ARHGAP39: variants seen among roughly 807,000 people sequenced by gnomAD.
ARHGAP39 encodes the protein Rho GTPase activating protein 39, also known as rho GTPase-activating protein 39.
Under a neutral mutation model 106.9 loss-of-function variants are expected in ARHGAP39, and 44 were observed. The ratio of observed to expected loss-of-function variants is 0.41; its 90% confidence interval spans 0.32 to 0.53. The LOEUF (loss-of-function observed/expected upper bound fraction) is 0.53, where lower values mean the gene tolerates loss of function less well. Among genes scored for constraint, ARHGAP39 ranks in the 20% least tolerant of loss-of-function variants. ARHGAP39 has a pLI of 0.21. For synonymous variants in ARHGAP39, 768 were observed against 693.2 expected, an observed-to-expected ratio of 1.11 and a Z score of -1.69; for missense variants, 1,496 against 1,577.3, an observed-to-expected ratio of 0.95 and a Z score of 0.87.
chr8:144,563,455 T>A (rs972806142), intron 3 of ARHGAP39, among the ~76,000 whole-genome samples: 11 of 152,094 alleles, frequency 7.2e-5, no homozygotes, highest in African/African-American at 2.7e-4. Context: ...AGTCTCTGCA[T>A]GAGAAAAACC....
At chr8:144,553,925 C>T (rs1419590141) in intron 4 of ARHGAP39, among the ~76,000 whole-genome samples, 6 of 152,250 alleles carry the variant, frequency 3.9e-5, no homozygotes, top group African/African-American at 1.2e-4. Flanking sequence ...ACACAGAGCT[C>T]GATGTGGGCT....
At position 144,548,042 on chromosome 8, in the gene ARHGAP39, C is replaced by A; in HGVS notation, c.1044G>T (p.Ser348=). 3 of 1,602,796 alleles carry A rather than the reference C, an allele frequency of 1.9e-6. No individual in the cohort carries two copies. Among genetic ancestry groups the A allele is most frequent in the Non-Finnish European group, 2.6e-6 (3 of 1,176,018 alleles). ...GGYQAGSPQR[S]PGRKPRPFLQ... The stretch of plus-strand genomic sequence containing the variant: ...GGAACGGCCGGGGCTTACGGCCCGG[C>A]GACCGCTGGGGAGAGCCGGCCTGGT... The change falls in exon 5 of 12, where the codon TCG becomes TCT. Residue 348 remains serine, a synonymous_variant. Transcript: ENST00000377307. The surrounding 1 kb of genome is among the most constrained non-coding windows in gnomAD (Gnocchi z 7.4).
intron 4 of ARHGAP39, among the ~76,000 whole-genome samples, chr8:144,553,789 G>A (rs1817808975): frequency 6.6e-6 from 1 of 152,250 alleles, no homozygotes; most frequent in South Asian, 2.1e-4. Context: ...CCTCAGGGAT[G>A]CACGGCACTA....
At chr8:144,605,219 C>A (rs573822074) in intron 2 of ARHGAP39, among the ~76,000 whole-genome samples, 22 of 152,172 alleles carry the variant, frequency 1.4e-4, no homozygotes, top group Non-Finnish European at 3.1e-4. Context: ...TATGATGGAG[C>A]CACTGCACTG....
chr8:144,675,097 C>T (rs2129740541), intron 1 of ARHGAP39, among the ~76,000 whole-genome samples: 1 of 152,292 alleles, frequency 6.6e-6, no homozygotes, highest in African/African-American at 2.4e-5. Context: ...GCAGCTCCTG[C>T]CTGTTCCCAG....
At chr8:144,616,076 G>C (rs1016126914) in intron 1 of ARHGAP39, among the ~76,000 whole-genome samples, 4 of 152,242 alleles carry the variant, frequency 2.6e-5, no homozygotes, top group Admixed American at 1.3e-4. Flanking sequence ...GAGCCACCTG[G>C]ATGCGCAGAA....
rs200403169 is a variant in ARHGAP39 at position 144,532,287 on chromosome 8, C to T, written c.2980+18G>A. ...CTGAGCCAGGCCCGCTCTGCTGCAG[C>T]GTGTGTGGGGGACTCACCAGGGACG... On this transcript the variant is annotated intron_variant, in intron 10 of 11. Coordinates refer to ENST00000377307, the MANE Select transcript of ARHGAP39 (RefSeq NM_025251.3). The T allele has an allele frequency of 5.0e-3, 8,017 of 1,610,756 alleles. 36 individuals are homozygous for T. The highest frequency in any genetic ancestry group is 5.8e-3 in the Non-Finnish European group (6,857 of 1,178,622).
At chr8:144,676,813 C>T (rs1822254953) in intron 1 of ARHGAP39, among the ~76,000 whole-genome samples, 1 of 152,266 alleles carries the variant, frequency 6.6e-6, no homozygotes, top group Admixed American at 6.5e-5. Flanking sequence ...CAGAGAGAGG[C>T]CCCCACAGCG....
Position 144,645,046 on chromosome 8 carries a change from A to G in ARHGAP39, c.-81-39351T>C, listed in dbSNP as rs900061529. On this transcript the variant is annotated intron_variant, in intron 1 of 11. Transcript: ENST00000377307. The surrounding 1 kb of genome is among the most constrained non-coding windows in gnomAD (Gnocchi z 4.4). ...ACGGCAGAGAGCACATGTCAACCGC[A>G]GTCCCCGTGTTATCCAGGAGGAAGC... Among the ~76,000 whole-genome samples the G allele has an allele frequency of 1.3e-5, 2 of 152,232 alleles. No homozygotes were observed. The highest frequency in any genetic ancestry group is 1.9e-4 in the East Asian group (1 of 5,196).
intron 1 of ARHGAP39, among the ~76,000 whole-genome samples, chr8:144,639,259 G>A (rs1482234342): frequency 6.6e-6 from 1 of 150,820 alleles, no homozygotes; most frequent in East Asian, 2.0e-4. Context: ...CCGGGAGGTG[G>A]AGGTTGCAGT....
chr8:144,560,680 C>T (rs373954345), intron 3 of ARHGAP39, among the ~76,000 whole-genome samples: 2 of 152,278 alleles, frequency 1.3e-5, no homozygotes, highest in East Asian at 1.9e-4. Context: ...GTTATGCTCT[C>T]GAGGACCAGC....
chr8:144,610,979 G>T (rs953968308), intron 1 of ARHGAP39, among the ~76,000 whole-genome samples: 1 of 151,916 alleles, frequency 6.6e-6, no homozygotes, highest in Non-Finnish European at 1.5e-5. Context: ...ACCACACCTG[G>T]CTAATTTTTT....
chr8:144,582,097 C>G (rs377392027), intron 2 of ARHGAP39, among the ~76,000 whole-genome samples: 1 of 152,170 alleles, frequency 6.6e-6, no homozygotes, highest in Non-Finnish European at 1.5e-5. Context: ...TGAGGGGTCT[C>G]GTTTCCAGGG....
chr8:144,594,759 T>C (rs1033860082), intron 2 of ARHGAP39, among the ~76,000 whole-genome samples: 2 of 144,994 alleles, frequency 1.4e-5, no homozygotes, highest in South Asian at 4.2e-4. Context: ...GTGGCAAACA[T>C]GTGTAGTCCC....
At chr8:144,691,287 T>C in the ARHGAP39 span, among the ~76,000 whole-genome samples, 1 of 152,164 alleles carries the variant, frequency 6.6e-6, no homozygotes, top group African/African-American at 2.4e-5. Flanking sequence ...TTTGAGGGCC[T>C]GGTGGATCAT....
intron 3 of ARHGAP39, among the ~76,000 whole-genome samples, chr8:144,572,833 CAAA>C (rs1818632676): frequency 6.6e-6 from 1 of 152,190 alleles, no homozygotes; most frequent in African/African-American, 2.4e-5. Flanking sequence ...AGACATTTCT[CAAA>C]AGAAGACATT....
Position 144,632,980 on chromosome 8 carries a change from T to C in ARHGAP39, c.-81-27285A>G, listed in dbSNP as rs1038971697. Among the ~76,000 whole-genome samples, 93 of 152,304 alleles carry C rather than the reference T, an allele frequency of 6.1e-4. 1 individual carries two copies. The highest frequency in any genetic ancestry group is 2.2e-3 in the African/African-American group (92 of 41,554). ...CATAGTGAGACCCCATCTCTATAAATTTCTTTTTTTAATTAGCCAAGCAAG... is the reference window on the plus strand; with the variant it reads ...CATAGTGAGACCCCATCTCTATAAACTTCTTTTTTTAATTAGCCAAGCAAG... On this transcript the variant is annotated intron_variant, in intron 1 of 11. Transcript: ENST00000377307.
rs138469657 is a variant in ARHGAP39, at chr8:144,636,317, G to A, written c.-81-30622C>T. Reference sequence around the variant, plus strand: ...CAATACTCAGCTAATGTTAGTGGAGGATTAGCAATTAAGAGTGGGAAAGGG... The same window carrying A: ...CAATACTCAGCTAATGTTAGTGGAGAATTAGCAATTAAGAGTGGGAAAGGG... On this transcript the variant is annotated intron_variant, in intron 1 of 11. Transcript: ENST00000377307. Among the ~76,000 whole-genome samples, 20 of 152,360 alleles carry A rather than the reference G, an allele frequency of 1.3e-4. No individual in the cohort carries two copies. In the East Asian group the frequency reaches 3.9e-3, roughly 29 times the overall value.
rs758810658 is a variant in ARHGAP39 at position 144,547,265 on chromosome 8, C to G, written c.1821G>C (p.Glu607Asp). The change falls in exon 5 of 12, where the codon GAG (glutamate) becomes GAC (aspartate). Residue 607 changes from glutamate to aspartate, a missense_variant. Transcript: ENST00000377307. The surrounding 1 kb of genome is among the most constrained non-coding windows in gnomAD (Gnocchi z 5.2). ...GPVVRAFSED[E>D]ALAQQENRHW... ...GCCTGTTCTCCTGCTGGGCCAGCGCCTCGTCCTCGCTGAAGGCCCGCACCA... is the reference window on the plus strand; with the variant it reads ...GCCTGTTCTCCTGCTGGGCCAGCGCGTCGTCCTCGCTGAAGGCCCGCACCA... 1 of 1,612,532 alleles carries G rather than the reference C, an allele frequency of 6.2e-7. No homozygotes were observed. The highest frequency in any genetic ancestry group is 1.1e-5 in the South Asian group (1 of 91,044).
Sources: gnomAD v4.1 joint callset for allele counts (sites outside exome capture counted in the v4.1 genomes callset) on GRCh38, gnomAD v4.1.1 for gene constraint, Gnocchi (gnomAD v3.1) non-coding constraint, MANE v1.5 for transcripts, NCBI Gene and HGNC (gene_info 2026-07-23, HGNC 2026-07-21) for gene names.